ADK: variants seen among roughly 807,000 people sequenced by gnomAD.
The protein encoded by ADK is N6,N6-dimethyladenosine kinase.
In ADK, 24 loss-of-function variants were observed where a neutral mutation model predicts 44.7. The ratio of observed to expected loss-of-function variants is 0.54; its 90% CI spans 0.39 to 0.76. ADK has a LOEUF of 0.76. Ranked by LOEUF, ADK falls within the 30% of genes least tolerant of loss-of-function variation. The probability of loss-of-function intolerance (pLI) is 0.00; values close to 1 mark genes in which losing one functional copy is unlikely to be tolerated. For missense variants in ADK, 321 were observed against 425.1 expected, an observed-to-expected ratio of 0.76 and a Z score of 2.15; for synonymous variants, 128 against 142.6, an observed-to-expected ratio of 0.90 and a Z score of 0.73.
chr10:74,480,287 G>C (rs1847021356), intron 6 of ADK, among the ~76,000 whole-genome samples: 1 of 150,132 alleles, frequency 6.7e-6, no homozygotes, highest in Admixed American at 6.6e-5. Context: ...AGTGCAGTGT[G>C]GTATGATCAT....
At chr10:74,555,450 A>G (rs1589244229) in intron 7 of ADK, among the ~76,000 whole-genome samples, 1 of 152,040 alleles carries the variant, frequency 6.6e-6, no homozygotes. Flanking sequence ...AAAACTTACT[A>G]AGATTTCTAT....
chr10:74,281,361 C>T (rs1308257931), intron 3 of ADK, among the ~76,000 whole-genome samples: 1 of 152,180 alleles, frequency 6.6e-6, no homozygotes, highest in East Asian at 1.9e-4. Flanking sequence ...AGTGAGTGGC[C>T]TTGAGAGCCA....
chr10:74,217,052 G>A (rs559398162), intron 2 of ADK, among the ~76,000 whole-genome samples: 3 of 152,342 alleles, frequency 2.0e-5, no homozygotes, highest in Admixed American at 6.5e-5. Context: ...TGCATGAGCC[G>A]AAGCAGGGCG....
intron 3 of ADK, among the ~76,000 whole-genome samples, chr10:74,272,318 T>C (rs953019842): frequency 6.6e-6 from 1 of 151,992 alleles, no homozygotes; most frequent in African/African-American, 2.4e-5. Context: ...CACTCTGTCA[T>C]CTAGGCTGAG....
chr10:74,564,508 C>CT (rs926834658), intron 7 of ADK, among the ~76,000 whole-genome samples: 20 of 152,202 alleles, frequency 1.3e-4, no homozygotes, highest in African/African-American at 4.6e-4. Context: ...CACAGAAATC[C>CT]TTTTTCTCAA....
At chr10:74,248,953 A>T (rs556792292) in intron 3 of ADK, among the ~76,000 whole-genome samples, 1 of 152,334 alleles carries the variant, frequency 6.6e-6, no homozygotes, top group East Asian at 1.9e-4. Flanking sequence ...CCACTGGAAG[A>T]CATAAATGAA....
rs576760286 is a variant in ADK, at chr10:74,709,230, A to G, written c.*785A>G. The G allele has an allele frequency of 7.2e-5, 11 of 152,348 alleles. 2 individuals are homozygous for G. Among genetic ancestry groups the G allele is most frequent in the African/African-American group, 2.4e-4 (10 of 41,586 alleles). The allele number at this position is 152,348 out of a possible 1,614,324, so 9.4% of individuals were successfully genotyped here. A position where few individuals can be genotyped will look rare whatever the true frequency, so the allele number is the denominator to read the frequency against. Reference sequence around the variant, plus strand: ...GTTAATGGAATTATGAAGAACAGCAATATAATACACTGAAGAATAACTTAG... The same window carrying G: ...GTTAATGGAATTATGAAGAACAGCAGTATAATACACTGAAGAATAACTTAG... On this transcript the variant is annotated 3_prime_UTR_variant, in exon 11 of 11. Transcript: ENST00000539909.
At chr10:74,630,787 G>A (rs1448900201) in intron 9 of ADK, among the ~76,000 whole-genome samples, 1 of 152,050 alleles carries the variant, frequency 6.6e-6, no homozygotes, top group African/African-American at 2.4e-5. Flanking sequence ...AATCTTGCCT[G>A]AAATAATTAT....
At chr10:74,175,678 T>G (rs1842305784) in intron 1 of ADK, among the ~76,000 whole-genome samples, 1 of 151,938 alleles carries the variant, frequency 6.6e-6, no homozygotes, top group South Asian at 2.1e-4. Flanking sequence ...ATATTCCCAG[T>G]GCTTTGGGAG....
chr10:74,407,432 T>TAAC (rs1843987665), intron 6 of ADK, among the ~76,000 whole-genome samples: 2 of 152,374 alleles, frequency 1.3e-5, no homozygotes, highest in South Asian at 4.1e-4. Flanking sequence ...TATGTTGTCA[T>TAAC]GTGCTTTCGG....
intron 3 of ADK, among the ~76,000 whole-genome samples, chr10:74,307,250 G>T (rs560860878): frequency 6.6e-6 from 1 of 152,134 alleles, no homozygotes; most frequent in African/African-American, 2.4e-5. Flanking sequence ...TCTGCTTTTG[G>T]AACTATTTTG....
intron 6 of ADK, among the ~76,000 whole-genome samples, chr10:74,442,133 A>G (rs1845432709): frequency 1.3e-5 from 2 of 150,014 alleles, no homozygotes; most frequent in Non-Finnish European, 3.0e-5. Context: ...TTAAAAAAAG[A>G]AAAAAAAAAT....
intron 9 of ADK, among the ~76,000 whole-genome samples, chr10:74,625,787 C>A (rs573892830): frequency 6.6e-6 from 1 of 151,824 alleles, no homozygotes; most frequent in East Asian, 1.9e-4. Context: ...GGTTTAAAGA[C>A]GGTAAATAAA....
chr10:74,375,221 T>G (rs916800955), intron 4 of ADK, among the ~76,000 whole-genome samples: 1 of 152,228 alleles, frequency 6.6e-6, no homozygotes, highest in Non-Finnish European at 1.5e-5. Flanking sequence ...TTTGTAGATG[T>G]CTGTTGCCAG....
At chr10:74,533,985 T>C (rs1298819953) in intron 7 of ADK, among the ~76,000 whole-genome samples, 12 of 152,202 alleles carry the variant, frequency 7.9e-5, no homozygotes, top group African/African-American at 2.9e-4. Context: ...ACCAACAGCA[T>C]AGAAGAATTT....
At chr10:74,439,880 C>T (rs1180464904) in intron 6 of ADK, among the ~76,000 whole-genome samples, 2 of 151,894 alleles carry the variant, frequency 1.3e-5, no homozygotes, top group Non-Finnish European at 2.9e-5. Flanking sequence ...AACATAATTT[C>T]TAGTAGGCAT....
In ADK at chr10:74,600,528, A is replaced by T. The variant is rs778915530; in HGVS notation, c.877+35A>T. 10 of 1,416,224 alleles carry T rather than the reference A, an allele frequency of 7.1e-6. No individual in the cohort carries two copies. The South Asian group carries it at 1.2e-4, about 17-fold the overall frequency. 87.7% of individuals were successfully genotyped at this position (1,416,224 alleles called of 1,614,324 possible). A position where few individuals can be genotyped will look rare whatever the true frequency, so the allele number is the denominator to read the frequency against. ...GGAAATGTGTGATGAATCTAGTATT[A>T]TGGAGATTAATCAATTACAAAAAAA... On this transcript the variant is annotated intron_variant, in intron 9 of 10. Transcript: ENST00000539909.
intron 6 of ADK, among the ~76,000 whole-genome samples, chr10:74,473,754 T>C (rs1000446952): frequency 2.6e-5 from 4 of 152,186 alleles, no homozygotes; most frequent in Admixed American, 1.3e-4. Flanking sequence ...GTCCATTGGG[T>C]TTCTCCATTG....
At chr10:74,631,239 T>C (rs1331242042) in intron 9 of ADK, among the ~76,000 whole-genome samples, 5 of 151,788 alleles carry the variant, frequency 3.3e-5, no homozygotes, top group African/African-American at 9.7e-5. Context: ...TGTGCGTGTG[T>C]GTGTGTGTGT....
Sources: allele counts gnomAD v4.1 joint callset (sites outside exome capture counted in the v4.1 genomes callset), GRCh38; gene constraint gnomAD v4.1.1; transcripts MANE v1.5; gene names NCBI Gene and HGNC (gene_info 2026-07-23, HGNC 2026-07-21).